Variants in TBC1D22A observed in about 807,000 individuals in gnomAD.
The protein encoded by TBC1D22A is putative GTPase activator.
A neutral mutation model predicts 60.2 loss-of-function variants in TBC1D22A; 38 were observed. The observed-to-expected ratio is 0.63, with a 90% CI of 0.49 to 0.83. The LOEUF is 0.83. Ranked by LOEUF, TBC1D22A falls within the 40% of genes least tolerant of loss-of-function variation. The pLI is 0.00. For missense variants in TBC1D22A, 628 were observed against 701.0 expected (o/e 0.90, Z 1.18); for synonymous variants, 302 against 281.7 (o/e 1.07, Z -0.72).
intron 12 of TBC1D22A, among the ~76,000 whole-genome samples, chr22:47,135,240 G>A (rs544781962): frequency 6.6e-6 from 1 of 152,194 alleles, no homozygotes; most frequent in Admixed American, 6.5e-5. Context: ...GCTGCTTCCC[G>A]TCATCCCAGT....
intron 12 of TBC1D22A, among the ~76,000 whole-genome samples, chr22:47,120,172 A>G (rs1333945073): frequency 3.3e-5 from 5 of 152,326 alleles, no homozygotes; most frequent in Non-Finnish European, 5.9e-5. Context: ...CCTCAATCCC[A>G]TGATACCTTA....
intron 5 of TBC1D22A, among the ~76,000 whole-genome samples, chr22:46,889,573 A>G (rs2068287795): frequency 6.6e-6 from 1 of 152,218 alleles, no homozygotes; most frequent in African/African-American, 2.4e-5. Context: ...GAATATAACA[A>G]ACCCCAAACC....
At chr22:46,790,530 T>C (rs574291441) in intron 1 of TBC1D22A, among the ~76,000 whole-genome samples, 21 of 152,246 alleles carry the variant, frequency 1.4e-4, no homozygotes, top group African/African-American at 5.1e-4. Flanking sequence ...TAAGAAGGAA[T>C]CCTCTGTTTA....
At chr22:47,080,980 C>T (rs1335728390) in intron 11 of TBC1D22A, among the ~76,000 whole-genome samples, 12 of 152,080 alleles carry the variant, frequency 7.9e-5, no homozygotes, top group South Asian at 2.1e-4. Context: ...ATTAGCTGGG[C>T]GTGATGGCGC....
intron 1 of TBC1D22A, chr22:46,774,180 G>T (rs1177923194): frequency 1.0e-6 from 1 of 985,468 alleles, no homozygotes. Context: ...GGCTCCTCCA[G>T]GCTGGGGGAA....
rs574356909 is a variant in TBC1D22A, at chr22:46,990,942, C to G, written c.1126-6692C>G. On this transcript the variant is annotated intron_variant, in intron 9 of 12. Coordinates refer to ENST00000337137, the MANE Select transcript of TBC1D22A (RefSeq NM_014346.5). This position sits in a 1 kb window ranked among gnomAD's most constrained non-coding sequence, Gnocchi z 4.6. Reference sequence around the variant, plus strand: ...CTGAAGACAAGGGACAGTCACGTTTCCAGTGGTTTACAGAGGCACTGGTTC... The same window carrying G: ...CTGAAGACAAGGGACAGTCACGTTTGCAGTGGTTTACAGAGGCACTGGTTC... 6.6e-6 allele frequency among the ~76,000 whole-genome samples: 1 copy of G among 152,288 alleles called. No homozygotes were observed. The highest frequency in any genetic ancestry group is 1.9e-4 in the East Asian group (1 of 5,176).
chr22:46,953,891 G>T (rs1054475925), intron 8 of TBC1D22A, among the ~76,000 whole-genome samples: 1 of 152,228 alleles, frequency 6.6e-6, no homozygotes, highest in African/African-American at 2.4e-5. Context: ...AGGCAGGGAG[G>T]GAGGTGGCAT....
At chr22:46,900,450 TGACAGCTGTGTTTATA>T (rs1374908187) in intron 7 of TBC1D22A, among the ~76,000 whole-genome samples, 2 of 152,074 alleles carry the variant, frequency 1.3e-5, no homozygotes, top group African/African-American at 4.8e-5. Flanking sequence ...GTGCCCGGCT[TGACAGCTGTGTTTATA>T]GGTGTGTACC....
chr22:46,926,378 T>C (rs1602512974), intron 8 of TBC1D22A, among the ~76,000 whole-genome samples: 1 of 152,162 alleles, frequency 6.6e-6, no homozygotes, highest in East Asian at 1.9e-4. Context: ...AGTTACTAAA[T>C]TCATGAGAAA....
At chr22:46,902,050 G>A (rs1197642867) in intron 7 of TBC1D22A, among the ~76,000 whole-genome samples, 1 of 152,164 alleles carries the variant, frequency 6.6e-6, no homozygotes, top group Non-Finnish European at 1.5e-5. Flanking sequence ...GGTGTTCTGG[G>A]CCTGCCTTGG....
At chr22:46,949,875 G>C (rs1020153872) in intron 8 of TBC1D22A, among the ~76,000 whole-genome samples, 3 of 152,224 alleles carry the variant, frequency 2.0e-5, no homozygotes, top group African/African-American at 7.2e-5. Flanking sequence ...GACTTCCAGG[G>C]GGCCCTGAGG....
chr22:46,833,412 G>A (rs2086391020), intron 4 of TBC1D22A, among the ~76,000 whole-genome samples: 1 of 152,240 alleles, frequency 6.6e-6, no homozygotes, highest in Non-Finnish European at 1.5e-5. Context: ...AAGATCGGCA[G>A]TTAGAAACCA....
At chr22:46,949,056 C>A (rs1481172588) in intron 8 of TBC1D22A, among the ~76,000 whole-genome samples, 1 of 152,202 alleles carries the variant, frequency 6.6e-6, no homozygotes, top group Non-Finnish European at 1.5e-5. Context: ...CTCATTTCAT[C>A]TGATGTTGGG....
intron 8 of TBC1D22A, among the ~76,000 whole-genome samples, chr22:46,924,444 A>G (rs2070931000): frequency 6.6e-6 from 1 of 152,244 alleles, no homozygotes; most frequent in Admixed American, 6.5e-5. Context: ...TAAATAGTGC[A>G]TTTACTTAAG....
At chr22:47,086,545 C>T (rs931726461) in intron 11 of TBC1D22A, among the ~76,000 whole-genome samples, 1 of 152,202 alleles carries the variant, frequency 6.6e-6, no homozygotes, top group Admixed American at 6.5e-5. Context: ...TTGTTTCTTA[C>T]AACTACATAT....
At chr22:46,797,186 C>G (rs1045535606) in intron 3 of TBC1D22A, among the ~76,000 whole-genome samples, 7 of 152,202 alleles carry the variant, frequency 4.6e-5, no homozygotes, top group Non-Finnish European at 7.3e-5. Context: ...CCGAGGGGCC[C>G]TGGAGTTTTC....
chr22:46,981,688 T>TG (rs2074518141), intron 9 of TBC1D22A, among the ~76,000 whole-genome samples: 1 of 152,250 alleles, frequency 6.6e-6, no homozygotes. Context: ...ACCATGATTC[T>TG]GAGTTTCCTG....
chr22:46,855,433 G>C (rs934191863), intron 4 of TBC1D22A, among the ~76,000 whole-genome samples: 3 of 152,202 alleles, frequency 2.0e-5, no homozygotes, highest in Non-Finnish European at 2.9e-5. Flanking sequence ...TTAGGAACAC[G>C]GGGATGTGGG....
Position 47,173,812 on chromosome 22 carries a change from CT to C in TBC1D22A, c.*189del. The C allele has an allele frequency of 4.1e-6, 4 of 975,728 alleles. No individual in the cohort carries two copies. Among genetic ancestry groups the C allele is most frequent in the Non-Finnish European group, 4.4e-6 (3 of 687,044 alleles). 60.4% of individuals were successfully genotyped at this position (975,728 alleles called of 1,614,324 possible). ...TAGGGCTGACAAAGACAGGGACAGC[CT>C]TTGTTTTCTGAGATACCAAAGAGAG... is the stretch of plus-strand genomic sequence containing the variant. On this transcript the variant is annotated 3_prime_UTR_variant, in exon 13 of 13. Coordinates refer to ENST00000337137, the MANE Select transcript of TBC1D22A (RefSeq NM_014346.5).
Sources: gnomAD v4.1 joint callset for allele counts (sites outside exome capture counted in the v4.1 genomes callset) on GRCh38, gnomAD v4.1.1 for gene constraint, Gnocchi (gnomAD v3.1) non-coding constraint, MANE v1.5 for transcripts, NCBI Gene and HGNC (gene_info 2026-07-23, HGNC 2026-07-21) for gene names.